BCAT1: variants seen among roughly 807,000 people sequenced by gnomAD.
The protein encoded by BCAT1 is branched chain amino acid transaminase 1, also known as branched-chain-amino-acid aminotransferase, cytosolic.
In BCAT1, 48 loss-of-function variants were observed where a neutral mutation model predicts 52.4. That is an observed-to-expected ratio of 0.92 (90% CI 0.73 to 1.16). The LOEUF is 1.16. Among genes scored for constraint, BCAT1 ranks in the 50% most tolerant of loss-of-function variants. The pLI is 0.00. For missense variants in BCAT1, 451 were observed against 457.1 expected (o/e 0.99, Z 0.12); for synonymous variants, 167 against 161.3 (o/e 1.04, Z -0.27).
At chr12:24,859,775 A>G (rs1321344307) in intron 5 of BCAT1, among the ~76,000 whole-genome samples, 1 of 152,160 alleles carries the variant, frequency 6.6e-6, no homozygotes, top group Admixed American at 6.5e-5. Context: ...ATCAAATTCT[A>G]TATTATGCCT....
At chr12:24,942,347 C>G (rs899954654) in intron 1 of BCAT1, among the ~76,000 whole-genome samples, 1 of 151,992 alleles carries the variant, frequency 6.6e-6, no homozygotes, top group Non-Finnish European at 1.5e-5. Flanking sequence ...TCTAGACCAG[C>G]CTGGCCAACA....
chr12:24,946,826 A>G (rs950854954), intron 1 of BCAT1, among the ~76,000 whole-genome samples: 1 of 152,204 alleles, frequency 6.6e-6, no homozygotes, highest in African/African-American at 2.4e-5. Context: ...TTCCTTTCAT[A>G]ATAAGGTTTT....
chr12:24,843,190 G>A (rs1254733356), intron 6 of BCAT1, among the ~76,000 whole-genome samples: 1 of 94,692 alleles, frequency 1.1e-5, no homozygotes, highest in African/African-American at 4.4e-5. Context: ...ATGTAGTAAT[G>A]TAAAACTCCT....
At chr12:24,822,854 C>A (rs1473120573) in intron 10 of BCAT1, among the ~76,000 whole-genome samples, 1 of 152,008 alleles carries the variant, frequency 6.6e-6, no homozygotes, top group Non-Finnish European at 1.5e-5. Flanking sequence ...TACTTTACTA[C>A]CAACGGTGAA....
At chr12:24,871,539 T>C (rs1269459099) in intron 5 of BCAT1, among the ~76,000 whole-genome samples, 2 of 152,200 alleles carry the variant, frequency 1.3e-5, no homozygotes, top group African/African-American at 4.8e-5. Flanking sequence ...TAAAAACACA[T>C]ATAAGCCAGA....
intron 5 of BCAT1, among the ~76,000 whole-genome samples, chr12:24,866,912 T>C (rs533898589): frequency 5.3e-5 from 8 of 152,240 alleles, no homozygotes; most frequent in African/African-American, 1.9e-4. Context: ...TGGGGTCCCC[T>C]TCCATACTGT....
intron 5 of BCAT1, among the ~76,000 whole-genome samples, chr12:24,869,744 CTA>C (rs1942128459): frequency 1.3e-5 from 2 of 152,180 alleles, no homozygotes; most frequent in South Asian, 4.1e-4. Context: ...GTGGTTGACT[CTA>C]TTGGAGAGGG....
intron 1 of BCAT1, chr12:24,903,178 A>C: frequency 8.4e-7 from 1 of 1,194,658 alleles, no homozygotes; most frequent in Non-Finnish European, 1.1e-6. Flanking sequence ...CTTGGGGAGG[A>C]GCCTCCAACC....
chr12:24,902,156 C>T, intron 1 of BCAT1: 2 of 1,439,100 alleles, frequency 1.4e-6, no homozygotes, highest in African/African-American at 1.4e-5. Flanking sequence ...TCCAGGTCAG[C>T]CCTACAGAGC....
At chr12:24,896,650 C>A (rs1354084755) in intron 2 of BCAT1, among the ~76,000 whole-genome samples, 1 of 149,880 alleles carries the variant, frequency 6.7e-6, no homozygotes, top group Non-Finnish European at 1.5e-5. Context: ...GCCTGTAATC[C>A]CAGCTACTTG....
chr12:24,902,673 C>T (rs1335401972), intron 1 of BCAT1: 9 of 518,558 alleles, frequency 1.7e-5, no homozygotes, highest in Non-Finnish European at 2.9e-5. Context: ...TCACGTCCCC[C>T]GTGGCGGTCC....
At chr12:24,859,436 T>G (rs534366718) in intron 5 of BCAT1, among the ~76,000 whole-genome samples, 1 of 151,826 alleles carries the variant, frequency 6.6e-6, no homozygotes, top group East Asian at 1.9e-4. Flanking sequence ...CTGGCTAACA[T>G]GGTGAAACCC....
chr12:24,944,663 T>A (rs115225599), intron 1 of BCAT1, among the ~76,000 whole-genome samples: 2 of 152,152 alleles, frequency 1.3e-5, no homozygotes, highest in African/African-American at 4.8e-5. Flanking sequence ...GTAAATGCAA[T>A]TGATGAAACA....
At chr12:24,948,255 G>A (rs1943963807) in intron 1 of BCAT1, among the ~76,000 whole-genome samples, 1 of 152,200 alleles carries the variant, frequency 6.6e-6, no homozygotes, top group South Asian at 2.1e-4. Flanking sequence ...ACACTCAACG[G>A]TGTACATCCC....
intron 1 of BCAT1, among the ~76,000 whole-genome samples, chr12:24,937,861 A>G (rs34143445): frequency 0.16 from 24,266 of 152,254 alleles, 2,482 homozygotes; most frequent in Non-Finnish European, 0.23. Context: ...GCATAGATGT[A>G]AGATAGGTCT....
chr12:24,926,235 G>A (rs1404663210), intron 1 of BCAT1, among the ~76,000 whole-genome samples: 3 of 151,850 alleles, frequency 2.0e-5, no homozygotes, highest in Admixed American at 2.0e-4. Flanking sequence ...GCCTCTGCCC[G>A]GCCGCCCCGT....
chr12:24,848,653 A>G (rs184812887), intron 6 of BCAT1, among the ~76,000 whole-genome samples: 365 of 152,338 alleles, frequency 2.4e-3, no homozygotes, highest in Admixed American at 4.2e-3. Context: ...GCAGTGGTAC[A>G]TAGGCACATG....
intron 5 of BCAT1, among the ~76,000 whole-genome samples, chr12:24,874,069 T>A (rs1942258631): frequency 6.6e-6 from 1 of 152,056 alleles, no homozygotes; most frequent in Non-Finnish European, 1.5e-5. Context: ...AATCCAGCAC[T>A]TTGGGAGGCC....
At chr12:24,946,663 C>T (rs1943936692) in intron 1 of BCAT1, among the ~76,000 whole-genome samples, 1 of 152,188 alleles carries the variant, frequency 6.6e-6, no homozygotes, top group Non-Finnish European at 1.5e-5. Flanking sequence ...ACACTCCTAT[C>T]TCTCTGGGCC....
Sources: allele counts gnomAD v4.1 joint callset (sites outside exome capture counted in the v4.1 genomes callset), GRCh38; gene constraint gnomAD v4.1.1; transcripts MANE v1.5; gene names NCBI Gene and HGNC (gene_info 2026-07-23, HGNC 2026-07-21).